ERC1: variants seen among roughly 807,000 people sequenced by gnomAD.
ERC1 encodes RAB6 interacting protein 2.
Under a neutral mutation model 132.0 loss-of-function variants are expected in ERC1, and 56 were observed. The observed-to-expected ratio is 0.42, with a 90% CI of 0.34 to 0.53. The LOEUF (loss-of-function observed/expected upper bound fraction) is 0.53, where lower values mean the gene tolerates loss of function less well. Among genes scored for constraint, ERC1 ranks in the 20% least tolerant of loss-of-function variants. The pLI, the probability that ERC1 is intolerant of heterozygous loss-of-function variation, is 0.03. For missense variants in ERC1, 1,202 were observed against 1,349.9 expected (o/e 0.89, Z 1.72); for synonymous variants, 478 against 476.1 (o/e 1.00, Z -0.05).
intron 2 of ERC1, among the ~76,000 whole-genome samples, chr12:1,043,996 G>A (rs534983405): frequency 5.3e-5 from 8 of 151,500 alleles, no homozygotes; most frequent in Admixed American, 2.0e-4. Flanking sequence ...TTTTGAAACC[G>A]TATGTGGGAG....
chr12:1,385,047 G>A (rs746149824), intron 16 of ERC1, among the ~76,000 whole-genome samples: 2 of 152,200 alleles, frequency 1.3e-5, no homozygotes, highest in African/African-American at 2.4e-5. Flanking sequence ...CACCCAAAGT[G>A]CACACCTGGA....
chr12:1,174,686 T>C (rs1235238694), intron 8 of ERC1, among the ~76,000 whole-genome samples: 11 of 152,248 alleles, frequency 7.2e-5, no homozygotes, highest in Admixed American at 7.2e-4. Context: ...GTATATTAGG[T>C]AGGCTCATAA....
chr12:1,042,920 G>A (rs1970488760), intron 2 of ERC1, among the ~76,000 whole-genome samples: 4 of 152,086 alleles, frequency 2.6e-5, no homozygotes, highest in Admixed American at 2.6e-4. Context: ...GAAGCATATT[G>A]TAATGAGTGT....
At chr12:1,369,952 T>C (rs1184308470) in intron 15 of ERC1, among the ~76,000 whole-genome samples, 1 of 152,160 alleles carries the variant, frequency 6.6e-6, no homozygotes, top group Admixed American at 6.5e-5. Context: ...AAAATATCCA[T>C]TAGAATATTC....
chr12:1,056,359 G>T (rs761571125), intron 2 of ERC1, among the ~76,000 whole-genome samples: 9 of 151,764 alleles, frequency 5.9e-5, no homozygotes, highest in Non-Finnish European at 1.3e-4. Context: ...AAACTAGGAC[G>T]CAGACACACA....
At chr12:1,226,057 A>G (rs1286805673) in intron 12 of ERC1, among the ~76,000 whole-genome samples, 1 of 152,250 alleles carries the variant, frequency 6.6e-6, no homozygotes, top group Non-Finnish European at 1.5e-5. Context: ...AAAAAATTAT[A>G]GAGTAAGGAG....
intron 7 of ERC1, among the ~76,000 whole-genome samples, chr12:1,127,564 G>A (rs781541097): frequency 9.2e-5 from 14 of 151,618 alleles, no homozygotes; most frequent in Non-Finnish European, 1.6e-4. Flanking sequence ...GTGCGATGGC[G>A]CAGTCTCGGC....
At chr12:1,124,927 C>T (rs1023820303) in intron 7 of ERC1, among the ~76,000 whole-genome samples, 1 of 151,912 alleles carries the variant, frequency 6.6e-6, no homozygotes, top group Non-Finnish European at 1.5e-5. Flanking sequence ...TGGTAATCAA[C>T]CTCATCCCTT....
rs141921330 is a variant in ERC1 at position 1,107,603 on chromosome 12, C to T, written c.1162-2589C>T. ...ATGAGATCATTGCAATTAAGGGCGT[C>T]AAAGAATTCTGACATTGCAATCCTC... On this transcript the variant is annotated intron_variant, in intron 4 of 18. Coordinates refer to ENST00000360905, the MANE Select transcript of ERC1 (RefSeq NM_178040.4). Among the ~76,000 whole-genome samples, 8 of 152,192 alleles carry T rather than the reference C, an allele frequency of 5.3e-5. No homozygotes were observed. In the East Asian group the frequency reaches 1.5e-3, roughly 29 times the overall value.
intron 13 of ERC1, among the ~76,000 whole-genome samples, chr12:1,243,637 A>C (rs1463258252): frequency 6.6e-6 from 1 of 152,214 alleles, no homozygotes; most frequent in Admixed American, 6.5e-5. Flanking sequence ...GTGGTTCTCA[A>C]GTAAGGCTCA....
chr12:1,222,569 A>G (rs911496373), intron 12 of ERC1, among the ~76,000 whole-genome samples: 1 of 152,234 alleles, frequency 6.6e-6, no homozygotes, highest in Non-Finnish European at 1.5e-5. Context: ...TATGTAATAT[A>G]CACAGTGCTT....
intron 18 of ERC1, among the ~76,000 whole-genome samples, chr12:1,472,151 A>G (rs1039759310): frequency 2.0e-5 from 3 of 152,228 alleles, no homozygotes; most frequent in Non-Finnish European, 4.4e-5. Flanking sequence ...GATAGGGGAC[A>G]GGGTAGAAAA....
At chr12:1,432,237 A>G (rs1043967502) in intron 17 of ERC1, among the ~76,000 whole-genome samples, 1 of 152,264 alleles carries the variant, frequency 6.6e-6, no homozygotes, top group Non-Finnish European at 1.5e-5. Context: ...GCCATAGGCA[A>G]TATGTGAATG....
In ERC1 at chr12:1,104,793, CA is replaced by C; in HGVS notation, c.1134del (p.Ala379LeufsTer8). On this transcript the variant is annotated frameshift_variant, in exon 4 of 19. Coordinates refer to ENST00000360905, the MANE Select transcript of ERC1 (RefSeq NM_178040.4). LOFTEE classifies it high-confidence loss of function. ...GAGAATGCTCCTGATTCTGCCAAAA[CA>C]AAAGCTCTGCAAACTGTTATTGAGA... ...RFENAPDSAKTKALQTVIEMK... is the reference protein window; with the variant it reads ...RFENAPDSAKXKALQTVIEMK... 1 of 1,613,260 alleles carries C rather than the reference CA, an allele frequency of 6.2e-7. No individual in the cohort carries two copies.
At chr12:1,083,707 A>AT in intron 3 of ERC1, 127 bp downstream of exon 3, 1 of 707,798 alleles carries the variant, frequency 1.4e-6, no homozygotes, top group South Asian at 1.9e-5. Context: ...CATCCTTTGT[A>AT]TTTAAGTGCG....
rs771757935 is a variant in ERC1 at position 1,180,662 on chromosome 12, G to T, written c.1860G>T (p.Glu620Asp). The T allele has an allele frequency of 6.2e-7, 1 of 1,613,912 alleles. No individual in the cohort carries two copies. The highest frequency in any genetic ancestry group is 8.5e-7 in the Non-Finnish European group (1 of 1,180,006). The change falls in exon 9 of 19, where the codon GAG (glutamate) becomes GAT (aspartate). Residue 620 changes from glutamate (E) to aspartate (D), a missense_variant. Physicochemically the swap from Glu to Asp is conservative, Grantham distance 45. Transcript: ENST00000360905. ...NTDTALTTLE[E>D]ALAEKERTIE... ...ACACTGCCTTGACAACTTTGGAGGA[G>T]GCCCTTGCAGAGAAAGTGAGTGGCT... is the stretch of plus-strand genomic sequence containing the variant.
At chr12:1,018,294 C>T (rs533857892) in intron 1 of ERC1, among the ~76,000 whole-genome samples, 5 of 152,256 alleles carry the variant, frequency 3.3e-5, no homozygotes, top group South Asian at 2.1e-4. Context: ...TTCCACCTCC[C>T]GGCTTCAAGC....
chr12:1,258,614 A>G (rs910405979), intron 13 of ERC1, among the ~76,000 whole-genome samples: 1 of 152,214 alleles, frequency 6.6e-6, no homozygotes, highest in African/African-American at 2.4e-5. Flanking sequence ...TCTTCAACTC[A>G]AAGTCTGGCA....
chr12:1,177,277 C>A (rs139153516), intron 8 of ERC1, among the ~76,000 whole-genome samples: 8 of 152,284 alleles, frequency 5.3e-5, no homozygotes, highest in African/African-American at 1.7e-4. Context: ...CCTTCAGTAA[C>A]TTGACTGTTT....
Sources: allele counts gnomAD v4.1 joint callset (sites outside exome capture counted in the v4.1 genomes callset), GRCh38; gene constraint gnomAD v4.1.1; transcripts MANE v1.5; gene names NCBI Gene and HGNC (gene_info 2026-07-23, HGNC 2026-07-21).